The following MED1 variants were observed in gnomAD, a reference collection of about 807,000 sequenced individuals.
The protein encoded by MED1 is mediator of RNA polymerase II transcription subunit 1.
A neutral mutation model predicts 121.3 loss-of-function variants in MED1; 17 were observed. The observed-to-expected ratio is 0.14, with a 90% CI of 0.10 to 0.21. The LOEUF (loss-of-function observed/expected upper bound fraction) is 0.21. Ranked by LOEUF, MED1 falls within the 10% of genes least tolerant of loss-of-function variation. The pLI is 1.00. For synonymous variants in MED1, 661 were observed against 694.4 expected (o/e 0.95, Z 0.76); for missense variants, 1,558 against 1,919.4 (o/e 0.81, Z 3.52).
rs202002635 is a variant in MED1 at position 39,410,330 on chromosome 17, G to T, written c.1891C>A (p.Pro631Thr). Residue 631 changes from proline to threonine, a missense_variant, in exon 17 of 17, where the codon CCT becomes ACT. Around this residue, in one of 5 missense-constraint regions of MED1, gnomAD observed 793 missense variants for 898.2 expected, o/e 0.88. Transcript: ENST00000300651. The part of the protein sequence containing the change: ...SPTPPHHTPP[P>T]VSSMAGNTKN... ...GTGTTGCCGGCCATCGAAGAGACAGGTGGCGGCGTGTGATGAGGAGGGGTC... is the reference window on the plus strand; with the variant it reads ...GTGTTGCCGGCCATCGAAGAGACAGTTGGCGGCGTGTGATGAGGAGGGGTC... 1 of 1,613,954 alleles carries T rather than the reference G, an allele frequency of 6.2e-7. No individual in the cohort carries two copies. The highest frequency in any genetic ancestry group is 2.2e-5 in the East Asian group (1 of 44,884).
rs765904273 is a variant in MED1 at position 39,451,084 on chromosome 17, G to A, written c.-22C>T. 5 of 1,609,880 alleles carry A rather than the reference G, an allele frequency of 3.1e-6. No homozygotes were observed. Among genetic ancestry groups the A allele is most frequent in the East Asian group, 2.3e-5 (1 of 44,414 alleles). Reference sequence around the variant, plus strand: ...TCATCCTGAAGGCGAGGAGAAGCTAGATCCGCCACAAAAGGATAAGCCCTT... The same window carrying A: ...TCATCCTGAAGGCGAGGAGAAGCTAAATCCGCCACAAAAGGATAAGCCCTT... On this transcript the variant is annotated 5_prime_UTR_variant, in exon 1 of 17. Coordinates refer to ENST00000300651, the MANE Select transcript of MED1 (RefSeq NM_004774.4).
In MED1 at chr17:39,408,145, T is replaced by C. The variant is rs1440691921; in HGVS notation, c.4076A>G (p.Asp1359Gly). 6.2e-7 allele frequency: 1 copy of C among 1,614,084 alleles called. No homozygotes were observed. Among genetic ancestry groups the C allele is most frequent in the Non-Finnish European group, 8.5e-7 (1 of 1,180,048 alleles). Reference sequence around the variant, plus strand: ...GGTGGAAACCTTTGATTTGTCTTTATCACTTTTCTCACGCTTGCCCTGAAA... The same window carrying C: ...GGTGGAAACCTTTGATTTGTCTTTACCACTTTTCTCACGCTTGCCCTGAAA... Reference protein sequence around the residue: ...GEFQGKREKSDKDKSKVSTSG... With the variant: ...GEFQGKREKSGKDKSKVSTSG... Residue 1359 changes from aspartate (D) to glycine (G), a missense_variant, in exon 17 of 17, where the codon GAT becomes GGT. Coordinates refer to ENST00000300651, the MANE Select transcript of MED1 (RefSeq NM_004774.4). The surrounding 1 kb of genome is among the most constrained non-coding windows in gnomAD (Gnocchi z 4.7).
At chr17:39,429,915 C>A (rs568582035) in intron 9 of MED1, among the ~76,000 whole-genome samples, 1 of 151,962 alleles carries the variant, frequency 6.6e-6, no homozygotes, top group Admixed American at 6.6e-5. Flanking sequence ...AAGACCATGT[C>A]TCTATAAAAC....
At chr17:39,427,844 G>A (rs1431795490) in intron 9 of MED1, 54 bp from the exon 10 acceptor site, 1 of 1,084,474 alleles carries the variant, frequency 9.2e-7, no homozygotes, top group African/African-American at 1.6e-5. Context: ...TACAAACACA[G>A]AAAAACATTA....
Position 39,407,442 on chromosome 17 carries a change from C to T in MED1, c.*33G>A. 13 of 1,563,050 alleles carry T rather than the reference C, an allele frequency of 8.3e-6. No individual in the cohort carries two copies. Among genetic ancestry groups the T allele is most frequent in the Non-Finnish European group, 1.1e-5 (13 of 1,157,728 alleles). The stretch of plus-strand genomic sequence containing the variant: ...ATAAACTTATCAATAGTTTTTTTTC[C>T]TCTGGCCCTGTTTCTTTTAGGAAAT... On this transcript the variant is annotated 3_prime_UTR_variant, in exon 17 of 17. Coordinates refer to ENST00000300651, the MANE Select transcript of MED1 (RefSeq NM_004774.4).
chr17:39,407,859 T>G lies in MED1; in HGVS notation c.4362A>C (p.Pro1454=). 2.5e-6 allele frequency: 4 copies of G among 1,614,208 alleles called. No individual in the cohort carries two copies. The highest frequency in any genetic ancestry group is 3.4e-6 in the Non-Finnish European group (4 of 1,180,038). The change falls in exon 17 of 17, where the codon CCA becomes CCC. Residue 1454 remains proline (P), a synonymous_variant. Coordinates refer to ENST00000300651, the MANE Select transcript of MED1 (RefSeq NM_004774.4). The part of the protein sequence containing the change: ...ERGSPSHSKS[P]AYTPQNLDSE... ...TGTCCAGATTCTGGGGGGTATATGCTGGTGACTTACTATGGCTGGGAGAGC... is the reference window on the plus strand; with the variant it reads ...TGTCCAGATTCTGGGGGGTATATGCGGGTGACTTACTATGGCTGGGAGAGC...
At chr17:39,434,173 A>C (rs2048596728) in intron 7 of MED1, 76 bp downstream of exon 7, 1 of 1,036,868 alleles carries the variant, frequency 9.6e-7, no homozygotes, top group East Asian at 2.7e-5. Flanking sequence ...AGAGGTGGCA[A>C]ATTTCTAGGC....
intron 7 of MED1, 93 bp from the exon 8 acceptor site, chr17:39,432,109 G>A (rs2048570322): frequency 2.4e-6 from 2 of 826,314 alleles, no homozygotes; most frequent in African/African-American, 1.7e-5. Context: ...TTGGGAGGCT[G>A]AGGCGGGCAG....
chr17:39,445,943 C>T (rs1263080436), intron 2 of MED1, among the ~76,000 whole-genome samples: 1 of 150,802 alleles, frequency 6.6e-6, no homozygotes, highest in Non-Finnish European at 1.5e-5. Flanking sequence ...GCAGGAGAAT[C>T]GCTTGAACCC....
At chr17:39,430,998 A>T (rs1029111560) in intron 9 of MED1, 117 bp downstream of exon 9, 2 of 943,160 alleles carry the variant, frequency 2.1e-6, no homozygotes, top group Non-Finnish European at 3.3e-6. Flanking sequence ...CAGCCTGGGC[A>T]ACAAAGTGAG....
rs1359170669 is a variant in MED1 at position 39,412,533 on chromosome 17, C to CA, written c.1500-1813_1500-1812insT. On this transcript the variant is annotated intron_variant, in intron 16 of 16. Transcript: ENST00000300651. ...CACCACACCCAGCCAGCAAATTTTT[C>CA]TTTTTTTTTTTTTTTTTTTCTTTGA... Among the ~76,000 whole-genome samples the CA allele has an allele frequency of 2.9e-5, 3 of 102,306 alleles. No individual in the cohort carries two copies. The East Asian group carries it at 8.6e-4, about 29-fold the overall frequency. 67.1% of individuals were successfully genotyped at this position (102,306 alleles called of 152,430 possible). A position where few individuals can be genotyped will look rare whatever the true frequency, so the allele number is the denominator to read the frequency against.
rs1330665357 is a variant in MED1 at position 39,415,448 on chromosome 17, TG to T, written c.1298-110del. ...CAGCAGTTTGGGAGGCCAAGGCAGG[TG>T]GATTACCTGAGGTCAGGAGTTCAAG... On this transcript the variant is annotated intron_variant, in intron 14 of 16. Coordinates refer to ENST00000300651, the MANE Select transcript of MED1 (RefSeq NM_004774.4). 61 of 865,996 alleles carry T rather than the reference TG, an allele frequency of 7.0e-5. 1 individual carries two copies. Among genetic ancestry groups the T allele is most frequent in the Non-Finnish European group, 9.6e-5 (54 of 561,826 alleles). The allele number at this position is 865,996 out of a possible 1,614,324, so 53.6% of individuals were successfully genotyped here.
intron 14 of MED1, among the ~76,000 whole-genome samples, chr17:39,417,577 C>T (rs1431488086): frequency 6.7e-6 from 1 of 149,260 alleles, no homozygotes; most frequent in East Asian, 2.0e-4. Flanking sequence ...TGCAGTGAGC[C>T]GAAATTGCGC....
At position 39,440,499 on chromosome 17, in the gene MED1, C is replaced by T. The variant is rs1408892439; in HGVS notation, c.286G>A (p.Ala96Thr). ...GTGATGTAACATTCAGTGCCACTGG[C>T]ACTGAGATGAGAGCCCAGTCTAGCA... ...RQNGLGSHLSASGTECYITSD... is the reference protein window; with the variant it reads ...RQNGLGSHLSTSGTECYITSD... The change falls in exon 5 of 17, where the codon GCC becomes ACC. Residue 96 changes from alanine to threonine, a missense_variant. By Grantham distance (58) the Ala-to-Thr change is moderately conservative (BLOSUM62 0). Around this residue, in one of 5 missense-constraint regions of MED1, gnomAD observed 443 missense variants for 532.4 expected, o/e 0.83. Coordinates refer to ENST00000300651, the MANE Select transcript of MED1 (RefSeq NM_004774.4). The surrounding 1 kb of genome is among the most constrained non-coding windows in gnomAD (Gnocchi z 4.1). 1.2e-6 allele frequency: 2 copies of T among 1,610,158 alleles called. No individual in the cohort carries two copies. The highest frequency in any genetic ancestry group is 8.5e-7 in the Non-Finnish European group (1 of 1,179,222).
intron 9 of MED1, among the ~76,000 whole-genome samples, chr17:39,428,817 TG>T (rs1224000949): frequency 6.6e-6 from 1 of 151,716 alleles, no homozygotes; most frequent in African/African-American, 2.4e-5. Flanking sequence ...CCAGGCATGG[TG>T]GCTCGCACCT....
intron 6 of MED1, among the ~76,000 whole-genome samples, chr17:39,436,719 C>G (rs1443857701): frequency 2.6e-5 from 4 of 152,054 alleles, no homozygotes; most frequent in Admixed American, 1.3e-4. Context: ...AATTATCAAG[C>G]CTTCACTGAT....
intron 1 of MED1, among the ~76,000 whole-genome samples, chr17:39,449,211 C>A (rs2048758135): frequency 6.6e-6 from 1 of 152,134 alleles, no homozygotes; most frequent in South Asian, 2.1e-4. Context: ...AACAGGGTCT[C>A]GCTCTGTCGC....
intron 10 of MED1, among the ~76,000 whole-genome samples, chr17:39,425,318 G>A (rs754808926): frequency 1.3e-5 from 2 of 151,992 alleles, no homozygotes; most frequent in African/African-American, 2.4e-5. Flanking sequence ...AGCCTCCCAC[G>A]TACATGGCAT....
At chr17:39,438,878 G>A (rs1315534955) in intron 6 of MED1, among the ~76,000 whole-genome samples, 1 of 152,180 alleles carries the variant, frequency 6.6e-6, no homozygotes, top group African/African-American at 2.4e-5. Context: ...GAACCCAGGA[G>A]GCAGAGGTTG....
Sources: gnomAD v4.1 joint callset for allele counts (sites outside exome capture counted in the v4.1 genomes callset) on GRCh38, gnomAD v4.1.1 for gene constraint, gnomAD v4.1.1 regional missense constraint, Gnocchi (gnomAD v3.1) non-coding constraint, MANE v1.5 for transcripts, NCBI Gene and HGNC (gene_info 2026-07-23, HGNC 2026-07-21) for gene names.